ZDBF2: variants seen among roughly 807,000 people sequenced by gnomAD.
ZDBF2 encodes the protein zinc finger DBF-type containing 2.
ZDBF2 carries 6 observed loss-of-function variants against 9.4 expected under a neutral mutation model. The ratio of observed to expected loss-of-function variants is 0.64; its 90% confidence interval spans 0.35 to 1.27. ZDBF2 has a LOEUF of 1.27. ZDBF2 is among the 50% of genes most tolerant of loss of function. ZDBF2 has a pLI of 0.03. For missense variants in ZDBF2, 2,697 were observed against 2,766.8 expected, an observed-to-expected ratio of 0.97 and a Z score of 0.57; for synonymous variants, 905 against 946.3, an observed-to-expected ratio of 0.96 and a Z score of 0.80.
intron 1 of ZDBF2, among the ~76,000 whole-genome samples, chr2:206,278,387 T>TA (rs1383386841): frequency 6.6e-6 from 1 of 152,300 alleles, no homozygotes; most frequent in East Asian, 1.9e-4. Context: ...AGTTAATAGT[T>TA]ATATCCCTTA....
In ZDBF2 at chr2:206,307,461, C is replaced by T; in HGVS notation, c.2933C>T (p.Thr978Ile). Residue 978 changes from threonine to isoleucine, a missense_variant, in exon 5 of 5, where the codon ACA (threonine) becomes ATA (isoleucine). By Grantham distance (89) the Thr-to-Ile change is moderately conservative (BLOSUM62 -1). This residue lies in a region of ZDBF2 where 1,783 missense variants were observed against 1,776.5 expected (regional missense o/e 1.00). Coordinates refer to ENST00000374423, the MANE Select transcript of ZDBF2 (RefSeq NM_020923.3). ...THKPEVIVKE[T>I]WLQREKHAEF... ...AAACCTGAAGTAATTGTCAAAGAAACATGGCTTCAAAGAGAAAAGCACGCT... is the reference window on the plus strand; with the variant it reads ...AAACCTGAAGTAATTGTCAAAGAAATATGGCTTCAAAGAGAAAAGCACGCT... 1 of 1,612,222 alleles carries T rather than the reference C, an allele frequency of 6.2e-7. No homozygotes were observed. Among genetic ancestry groups the T allele is most frequent in the Non-Finnish European group, 8.5e-7 (1 of 1,179,308 alleles).
chr2:206,301,281 T>C (rs926189165), intron 4 of ZDBF2, among the ~76,000 whole-genome samples: 3 of 149,428 alleles, frequency 2.0e-5, no homozygotes, highest in South Asian at 2.1e-4. Context: ...CAGAACCTAA[T>C]TGTTTGTCTT....
intron 3 of ZDBF2, among the ~76,000 whole-genome samples, chr2:206,292,308 G>A (rs1385021828): frequency 3.3e-5 from 5 of 152,096 alleles, no homozygotes. Flanking sequence ...TACCAAAATA[G>A]ACTATGAAAA....
intron 3 of ZDBF2, among the ~76,000 whole-genome samples, chr2:206,282,757 A>G (rs909041398): frequency 4.6e-5 from 7 of 152,240 alleles, no homozygotes; most frequent in African/African-American, 1.4e-4. Flanking sequence ...TTTAAGGTGT[A>G]TAATTCAGTG....
rs1693206560 is a variant in ZDBF2, at chr2:206,311,772, A to G, written c.*179A>G. The G allele has an allele frequency of 3.5e-6, 2 of 566,320 alleles. No homozygotes were observed. Among genetic ancestry groups the G allele is most frequent in the Non-Finnish European group, 5.2e-6 (2 of 381,884 alleles). 35.1% of individuals were successfully genotyped at this position (566,320 alleles called of 1,614,324 possible). ...TAAAATTAGTGTTTAGAGTCCTTTC[A>G]TTTTAAGATTCAGAAACAGCCTTTG... is the stretch of plus-strand genomic sequence containing the variant. On this transcript the variant is annotated 3_prime_UTR_variant, in exon 5 of 5. Coordinates refer to ENST00000374423, the MANE Select transcript of ZDBF2 (RefSeq NM_020923.3).
chr2:206,311,727 T>G lies in ZDBF2; in HGVS notation c.*134T>G. Reference sequence around the variant, plus strand: ...ACTATTTTGCTATAAATATTATTTTTCAGAATTTTTATATTCATTTAAAAT... The same window carrying G: ...ACTATTTTGCTATAAATATTATTTTGCAGAATTTTTATATTCATTTAAAAT... On this transcript the variant is annotated 3_prime_UTR_variant, in exon 5 of 5. Transcript: ENST00000374423. 1 of 980,330 alleles carries G rather than the reference T, an allele frequency of 1.0e-6. No homozygotes were observed. Among genetic ancestry groups the G allele is most frequent in the Non-Finnish European group, 1.3e-6 (1 of 742,866 alleles). The allele number at this position is 980,330 out of a possible 1,614,324, so 60.7% of individuals were successfully genotyped here.
At chr2:206,292,275 C>G (rs1425814885) in intron 3 of ZDBF2, among the ~76,000 whole-genome samples, 2 of 152,104 alleles carry the variant, frequency 1.3e-5, no homozygotes, top group African/African-American at 4.8e-5. Flanking sequence ...GTTGACAGTT[C>G]AGGGTTGCTC....
intron 3 of ZDBF2, among the ~76,000 whole-genome samples, chr2:206,294,907 T>C (rs1692088373): frequency 6.6e-6 from 1 of 152,214 alleles, no homozygotes; most frequent in African/African-American, 2.4e-5. Flanking sequence ...TTTAACTGAA[T>C]ATTTATTTGT....
rs1229693708 is a variant in ZDBF2 at position 206,308,441 on chromosome 2, A to G, written c.3913A>G (p.Lys1305Glu). ...SVTNKIPGAN[K>E]EINLLREEHV... ...AACTAATAAAATTCCAGGGGCGAAT[A>G]AAGAAATAAATCTTTTGAGGGAGGA... The change falls in exon 5 of 5, where the codon AAA becomes GAA. Residue 1305 changes from lysine (K) to glutamate (E), a missense_variant. Lys to Glu is a moderately conservative substitution (Grantham distance 56, BLOSUM62 1). Transcript: ENST00000374423. The G allele has an allele frequency of 3.1e-6, 5 of 1,613,268 alleles. No homozygotes were observed. The East Asian group carries it at 1.1e-4, about 36-fold the overall frequency.
chr2:206,285,616 G>A (rs1691559898), intron 3 of ZDBF2, among the ~76,000 whole-genome samples: 2 of 152,128 alleles, frequency 1.3e-5, no homozygotes, highest in South Asian at 4.1e-4. Flanking sequence ...TCTTCACTCT[G>A]TTGATTGTCC....
intron 3 of ZDBF2, among the ~76,000 whole-genome samples, chr2:206,289,749 G>A (rs958527382): frequency 2.0e-5 from 3 of 152,202 alleles, no homozygotes; most frequent in African/African-American, 7.2e-5. Context: ...CCCTCAGCTG[G>A]TCTTTGTCCC....
chr2:206,305,521 G>A lies in ZDBF2; in HGVS notation c.993G>A (p.Glu331=). 1.2e-6 allele frequency: 2 copies of A among 1,613,472 alleles called. No homozygotes were observed. The highest frequency in any genetic ancestry group is 2.2e-5 in the South Asian group (2 of 91,010). ...IFEDTIAKNH[E]EFFSNMDCTQ... ...AAGATACTATTGCAAAGAACCATGA[G>A]GAATTCTTTTCTAACATGGATTGTA... Residue 331 remains glutamate (E), a synonymous_variant, in exon 5 of 5, where the codon GAG becomes GAA. Coordinates refer to ENST00000374423, the MANE Select transcript of ZDBF2 (RefSeq NM_020923.3).
Position 206,309,677 on chromosome 2 carries a change from A to G in ZDBF2, c.5149A>G (p.Lys1717Glu). ...ASAVDFGASS[K>E]SALHRRADKK... ...TGCAGTGGATTTTGGTGCCTCTTCC[A>G]AGTCAGCGCTCCATCGAAGGGCTGA... Residue 1717 changes from lysine (K) to glutamate (E), a missense_variant, in exon 5 of 5, where the codon AAG becomes GAG. Around this residue, in one of 3 missense-constraint regions of ZDBF2, gnomAD observed 1,783 missense variants for 1,776.5 expected, o/e 1.00. Coordinates refer to ENST00000374423, the MANE Select transcript of ZDBF2 (RefSeq NM_020923.3). 3 of 1,613,934 alleles carry G rather than the reference A, an allele frequency of 1.9e-6. No individual in the cohort carries two copies. The highest frequency in any genetic ancestry group is 2.5e-6 in the Non-Finnish European group (3 of 1,179,884).
At chr2:206,296,709 A>AT (rs1692196524) in intron 3 of ZDBF2, among the ~76,000 whole-genome samples, 1 of 151,856 alleles carries the variant, frequency 6.6e-6, no homozygotes, top group South Asian at 2.1e-4. Context: ...TGCATTCCTC[A>AT]TTTTTTTCTA....
rs1360477645 is a variant in ZDBF2, at chr2:206,308,225, G to T, written c.3697G>T (p.Asp1233Tyr). 1.2e-6 allele frequency: 2 copies of T among 1,613,878 alleles called. No individual in the cohort carries two copies. Among genetic ancestry groups the T allele is most frequent in the Admixed American group, 1.7e-5 (1 of 59,984 alleles). The change falls in exon 5 of 5, where the codon GAT becomes TAT. Residue 1233 changes from aspartate to tyrosine, a missense_variant. Asp to Tyr is a radical substitution (Grantham distance 160, BLOSUM62 -3). Coordinates refer to ENST00000374423, the MANE Select transcript of ZDBF2 (RefSeq NM_020923.3). ...LWKDEEVDTE[D>Y]RRNEAKGFEI... ...GAAGGATGAAGAAGTTGACACGGAA[G>T]ATAGGAGAAATGAAGCTAAGGGTTT...
chr2:206,290,233 C>CACATAT (rs1691818005), intron 3 of ZDBF2, among the ~76,000 whole-genome samples: 1 of 152,148 alleles, frequency 6.6e-6, no homozygotes, highest in Non-Finnish European at 1.5e-5. Context: ...ATGCCAGCAC[C>CACATAT]ACATAGTCTT....
Position 206,306,299 on chromosome 2 carries a change from T to A in ZDBF2, c.1771T>A (p.Ser591Thr). 1.9e-6 allele frequency: 3 copies of A among 1,613,620 alleles called. No homozygotes were observed. Among genetic ancestry groups the A allele is most frequent in the Non-Finnish European group, 2.5e-6 (3 of 1,179,782 alleles). The change falls in exon 5 of 5, where the codon TCA becomes ACA. Residue 591 changes from serine (S) to threonine (T), a missense_variant. Transcript: ENST00000374423. ...TTTTGATTGTGATGTTTCTCTTGAGTCAGTAGTTGATCATCCCCAACTGAC... is the reference window on the plus strand; with the variant it reads ...TTTTGATTGTGATGTTTCTCTTGAGACAGTAGTTGATCATCCCCAACTGAC... ...TSFDCDVSLE[S>T]VVDHPQLTVK...
chr2:206,282,904 T>G (rs1691398426), intron 3 of ZDBF2, among the ~76,000 whole-genome samples: 1 of 152,170 alleles, frequency 6.6e-6, no homozygotes, highest in African/African-American at 2.4e-5. Flanking sequence ...CAACCGCTAG[T>G]GTATTTCCTG....
Position 206,305,466 on chromosome 2 carries a change from C to G in ZDBF2, c.938C>G (p.Thr313Ser), listed in dbSNP as rs368221290. Residue 313 changes from threonine to serine, a missense_variant, in exon 5 of 5, where the codon ACT (threonine) becomes AGT (serine). By Grantham distance (58) the Thr-to-Ser change is moderately conservative. This residue lies in a region of ZDBF2 where 910 missense variants were observed against 973.6 expected (regional missense o/e 0.93). Transcript: ENST00000374423. ...AAATTAGCAGTAAACCCGAATAAAA[C>G]TGACATGCCTTCTAATAAAGGAATC... is the stretch of plus-strand genomic sequence containing the variant. ...PSKLAVNPNK[T>S]DMPSNKGIFE... The G allele has an allele frequency of 6.2e-7, 1 of 1,612,898 alleles. No homozygotes were observed. Among genetic ancestry groups the G allele is most frequent in the Non-Finnish European group, 8.5e-7 (1 of 1,179,652 alleles).
Sources: allele counts gnomAD v4.1 joint callset (sites outside exome capture counted in the v4.1 genomes callset), GRCh38; gene constraint gnomAD v4.1.1; regional missense constraint gnomAD v4.1.1; transcripts MANE v1.5; gene names NCBI Gene and HGNC (gene_info 2026-07-23, HGNC 2026-07-21).